TBC1D19: variants seen among roughly 807,000 people sequenced by gnomAD.
TBC1D19 encodes the protein TBC1 domain family member 19.
In TBC1D19, 60 loss-of-function variants were observed where a neutral mutation model predicts 89.0. The ratio of observed to expected loss-of-function variants is 0.67; its 90% CI spans 0.55 to 0.84. TBC1D19 has a LOEUF of 0.84. Among genes scored for constraint, TBC1D19 ranks in the 40% least tolerant of loss-of-function variants. TBC1D19 has a pLI of 0.00. For synonymous variants in TBC1D19, 189 were observed against 199.7 expected, an observed-to-expected ratio of 0.95 and a Z score of 0.45; for missense variants, 500 against 610.8, an observed-to-expected ratio of 0.82 and a Z score of 1.91.
the TBC1D19 span, among the ~76,000 whole-genome samples, chr4:26,851,307 A>ATCTATCTGTCTGTCTG: frequency 1.3e-4 from 6 of 45,378 alleles, no homozygotes; most frequent in African/African-American, 4.2e-4. Context: ...TAAATACCCT[A>ATCTATCTGTCTGTCTG]TCTATCTATC....
At chr4:26,781,608 T>A in the TBC1D19 span, among the ~76,000 whole-genome samples, 1 of 152,348 alleles carries the variant, frequency 6.6e-6, no homozygotes, top group Admixed American at 6.5e-5. Flanking sequence ...TAGGTTTAAA[T>A]GAGTTTGGTT....
chr4:26,617,402 G>T (rs762590975), intron 3 of TBC1D19, among the ~76,000 whole-genome samples: 7 of 152,202 alleles, frequency 4.6e-5, no homozygotes, highest in Non-Finnish European at 8.8e-5. Flanking sequence ...CTAGCAAATG[G>T]CAGTGCTAGG....
the TBC1D19 span, among the ~76,000 whole-genome samples, chr4:26,853,657 C>A: frequency 3.9e-5 from 6 of 152,084 alleles, no homozygotes; most frequent in African/African-American, 1.4e-4. Flanking sequence ...CCTGGCTCAG[C>A]CTCCTCAGTA....
chr4:26,733,773 A>C lies in TBC1D19; in HGVS notation c.1085-1682A>C, dbSNP rs1274327909. On this transcript the variant is annotated intron_variant, in intron 15 of 20. Coordinates refer to ENST00000264866, the MANE Select transcript of TBC1D19 (RefSeq NM_018317.4). ...CTCTAACTGGAGTGGTTCACCAAAGAAGAAATGTAATAGGGATAAAAATAT... is the reference window on the plus strand; with the variant it reads ...CTCTAACTGGAGTGGTTCACCAAAGCAGAAATGTAATAGGGATAAAAATAT... 9.9e-5 allele frequency among the ~76,000 whole-genome samples: 15 copies of C among 152,232 alleles called. No individual in the cohort carries two copies. The East Asian group carries it at 2.7e-3, about 27-fold the overall frequency.
intron 13 of TBC1D19, among the ~76,000 whole-genome samples, chr4:26,700,023 AAG>A (rs1316656652): frequency 6.6e-6 from 1 of 152,034 alleles, no homozygotes; most frequent in Non-Finnish European, 1.5e-5. Flanking sequence ...AATAATAAAA[AAG>A]AAATTAAAAG....
At chr4:26,602,111 A>T (rs146664252) in intron 1 of TBC1D19, among the ~76,000 whole-genome samples, 6 of 152,352 alleles carry the variant, frequency 3.9e-5, no homozygotes, top group African/African-American at 1.4e-4. Flanking sequence ...TCTTTCATGC[A>T]TAAAAGAAGG....
chr4:26,854,409 TTA>T, the TBC1D19 span, among the ~76,000 whole-genome samples: 31 of 152,236 alleles, frequency 2.0e-4, no homozygotes, highest in Non-Finnish European at 3.8e-4. Flanking sequence ...ACGGCTTCTC[TTA>T]GTTCACAATG....
At chr4:26,735,807 G>C (rs1365252062) in intron 16 of TBC1D19, among the ~76,000 whole-genome samples, 1 of 152,120 alleles carries the variant, frequency 6.6e-6, no homozygotes, top group Non-Finnish European at 1.5e-5. Flanking sequence ...TTGGGAGGCT[G>C]CTGGCCATCA....
At chr4:26,612,807 A>T (rs1490831690) in intron 1 of TBC1D19, among the ~76,000 whole-genome samples, 1 of 152,080 alleles carries the variant, frequency 6.6e-6, no homozygotes, top group African/African-American at 2.4e-5. Context: ...TAGTCATTAG[A>T]TACAGGTGCC....
chr4:26,719,524 C>T (rs1191039799), intron 14 of TBC1D19, among the ~76,000 whole-genome samples: 1 of 151,986 alleles, frequency 6.6e-6, no homozygotes, highest in Non-Finnish European at 1.5e-5. Context: ...AGGAAAGATA[C>T]TTTTTAAAAC....
At chr4:26,791,119 GAAC>G in the TBC1D19 span, among the ~76,000 whole-genome samples, 1 of 152,084 alleles carries the variant, frequency 6.6e-6, no homozygotes, top group East Asian at 1.9e-4. Context: ...ACTATCCCCA[GAAC>G]AACTGCTCTA....
At chr4:26,807,825 T>TACTTAC in the TBC1D19 span, among the ~76,000 whole-genome samples, 1 of 152,230 alleles carries the variant, frequency 6.6e-6, no homozygotes, top group Non-Finnish European at 1.5e-5. Flanking sequence ...ATCATTACAG[T>TACTTAC]TGATCTTACT....
the TBC1D19 span, among the ~76,000 whole-genome samples, chr4:26,818,545 C>T: frequency 3.5e-4 from 54 of 152,196 alleles, 1 homozygote; most frequent in East Asian, 5.4e-3. Flanking sequence ...TGTGAGCCAC[C>T]GCGGCTGGCC....
chr4:26,718,064 T>G, intron 14 of TBC1D19, 47 bp downstream of exon 14: 1 of 1,405,396 alleles, frequency 7.1e-7, no homozygotes, highest in South Asian at 1.2e-5. Context: ...TACATAATCA[T>G]GCCAAGAATA....
chr4:26,758,602 CAGGGAAG>C, downstream of TBC1D19, among the ~76,000 whole-genome samples: 1 of 152,234 alleles, frequency 6.6e-6, no homozygotes, highest in Middle Eastern at 3.4e-3. Context: ...TTTAATCTTT[CAGGGAAG>C]CTGGATATGA....
At chr4:26,586,926 G>A (rs1739451164) in intron 1 of TBC1D19, among the ~76,000 whole-genome samples, 1 of 151,994 alleles carries the variant, frequency 6.6e-6, no homozygotes, top group South Asian at 2.1e-4. Context: ...TTTCCAATCC[G>A]TGTGCCTTTT....
chr4:26,651,924 T>C (rs1194799969), intron 7 of TBC1D19, among the ~76,000 whole-genome samples: 2 of 152,014 alleles, frequency 1.3e-5, no homozygotes, highest in African/African-American at 4.8e-5. Flanking sequence ...TAGCATGAAG[T>C]GTTGTTGAAT....
intron 1 of TBC1D19, among the ~76,000 whole-genome samples, chr4:26,598,142 T>C (rs960601009): frequency 3.3e-5 from 5 of 152,196 alleles, no homozygotes; most frequent in Non-Finnish European, 5.9e-5. Flanking sequence ...ATTTTAATCG[T>C]TTTTGCTCTC....
intron 13 of TBC1D19, among the ~76,000 whole-genome samples, chr4:26,692,118 A>G (rs141145012): frequency 6.6e-6 from 1 of 152,276 alleles, no homozygotes; most frequent in East Asian, 1.9e-4. Flanking sequence ...CCAGATTAGC[A>G]TGACAGAAGC....
Sources: gnomAD v4.1 joint callset for allele counts (sites outside exome capture counted in the v4.1 genomes callset) on GRCh38, gnomAD v4.1.1 for gene constraint, MANE v1.5 for transcripts, NCBI Gene and HGNC (gene_info 2026-07-23, HGNC 2026-07-21) for gene names.